SLC12A8: variants seen among roughly 807,000 people sequenced by gnomAD.
SLC12A8 encodes solute carrier family 12 member 8.
Under a neutral mutation model 75.6 loss-of-function variants are expected in SLC12A8, and 69 were observed. That is an observed-to-expected ratio of 0.91 (90% confidence interval 0.75 to 1.11). SLC12A8 has a LOEUF of 1.11. Ranked by LOEUF, SLC12A8 falls within the 50% of genes most tolerant of loss-of-function variation. The pLI is 0.00. For synonymous variants in SLC12A8, 365 were observed against 372.8 expected (o/e 0.98, Z 0.24); for missense variants, 877 against 896.7 (o/e 0.98, Z 0.28).
At chr3:125,137,810 G>A (rs1043965830) in intron 5 of SLC12A8, among the ~76,000 whole-genome samples, 1 of 152,212 alleles carries the variant, frequency 6.6e-6, no homozygotes, top group Non-Finnish European at 1.5e-5. Context: ...CTGAGATAAT[G>A]AGTCACTTGG....
At position 125,212,361 on chromosome 3, in the gene SLC12A8, A is replaced by G. The variant is rs376503615; in HGVS notation, c.-46+339T>C. On this transcript the variant is annotated intron_variant, in intron 1 of 13. Transcript: ENST00000469902. ...CGCGCCGCACAGAGCAAGGGACCCC[A>G]GGCCTCCGCTCGCCCTTCCCGCCGC... 7.1e-4 allele frequency among the ~76,000 whole-genome samples: 108 copies of G among 152,228 alleles called. 1 individual carries two copies. Among genetic ancestry groups the G allele is most frequent in the African/African-American group, 2.6e-3 (106 of 41,548 alleles).
Position 125,190,450 on chromosome 3 carries a change from G to A in SLC12A8, c.123C>T (p.Thr41=), listed in dbSNP as rs1199917530. 1.2e-6 allele frequency: 2 copies of A among 1,614,084 alleles called. No homozygotes were observed. The highest frequency in any genetic ancestry group is 1.7e-6 in the Non-Finnish European group (2 of 1,180,048). Residue 41 remains threonine (T), a synonymous_variant, in exon 3 of 14, where the codon ACC becomes ACT. Transcript: ENST00000469902. ...LFMWEPVLFG[T]WDGVFTSCMI... The stretch of plus-strand genomic sequence containing the variant: ...TGCAGGATGTGAACACACCATCCCA[G>A]GTCCCAAACAGCACAGGCTCCCACA...
In SLC12A8 at chr3:125,092,133, G is replaced by A. The variant is rs1187396737; in HGVS notation, c.1771C>T (p.His591Tyr). 1 of 1,612,864 alleles carries A rather than the reference G, an allele frequency of 6.2e-7. No individual in the cohort carries two copies. The highest frequency in any genetic ancestry group is 1.3e-5 in the African/African-American group (1 of 74,990). The change falls in exon 11 of 14, where the codon CAC becomes TAC. Residue 591 changes from histidine (H) to tyrosine (Y), a missense_variant. By Grantham distance (83) the His-to-Tyr change is moderately conservative. Coordinates refer to ENST00000469902, the MANE Select transcript of SLC12A8 (RefSeq NM_024628.6). Reference sequence around the variant, plus strand: ...AGGGAGACCCAGGGGTTGCACATGTGGGTATAGAAAGAAGTGGATCTTCTC... The same window carrying A: ...AGGGAGACCCAGGGGTTGCACATGTAGGTATAGAAAGAAGTGGATCTTCTC... Reference protein sequence around the residue: ...VWRRSTSFYTHMCNPWVSLLG... With the variant: ...VWRRSTSFYTYMCNPWVSLLG...
chr3:125,084,189 T>C, intron 13 of SLC12A8, 137 bp from the exon 14 acceptor site: 1 of 686,740 alleles, frequency 1.5e-6, no homozygotes, highest in Non-Finnish European at 2.4e-6. Context: ...TCTTGAAAGG[T>C]ATATGTACAG....
At chr3:125,154,306 C>T (rs1933999246) in intron 5 of SLC12A8, among the ~76,000 whole-genome samples, 1 of 152,204 alleles carries the variant, frequency 6.6e-6, no homozygotes. Context: ...CAGGCGGCCC[C>T]AGCAGCTGGA....
chr3:125,134,217 T>C (rs1933433452), intron 6 of SLC12A8, among the ~76,000 whole-genome samples: 1 of 152,200 alleles, frequency 6.6e-6, no homozygotes, highest in Non-Finnish European at 1.5e-5. Flanking sequence ...TTCTCCTGCC[T>C]CAGCCTCCTA....
chr3:125,146,787 A>G (rs1369873883), intron 5 of SLC12A8, among the ~76,000 whole-genome samples: 3 of 152,194 alleles, frequency 2.0e-5, no homozygotes, highest in Non-Finnish European at 4.4e-5. Flanking sequence ...CTACAGGCTG[A>G]CGCCACCATG....
intron 5 of SLC12A8, among the ~76,000 whole-genome samples, chr3:125,141,924 G>C (rs1415462345): frequency 6.6e-6 from 1 of 152,102 alleles, no homozygotes. Context: ...AGGGAAAGGA[G>C]AGGCCGCTTC....
At chr3:125,137,251 C>A (rs956758304) in intron 5 of SLC12A8, among the ~76,000 whole-genome samples, 1 of 152,110 alleles carries the variant, frequency 6.6e-6, no homozygotes, top group South Asian at 2.1e-4. Flanking sequence ...AATAATGAAA[C>A]GAAATCTCAG....
chr3:125,162,278 C>A (rs988991810), intron 5 of SLC12A8, among the ~76,000 whole-genome samples: 1 of 152,224 alleles, frequency 6.6e-6, no homozygotes, highest in Non-Finnish European at 1.5e-5. Flanking sequence ...CAGCAAGCCC[C>A]GTGCTGGTGT....
At chr3:125,119,389 G>A (rs1339938111) in intron 7 of SLC12A8, among the ~76,000 whole-genome samples, 1 of 152,230 alleles carries the variant, frequency 6.6e-6, no homozygotes. Context: ...CTGCTGGTCT[G>A]TTATCTTTGG....
intron 8 of SLC12A8, among the ~76,000 whole-genome samples, chr3:125,116,500 G>C (rs571496208): frequency 6.6e-6 from 1 of 152,152 alleles, no homozygotes; most frequent in Non-Finnish European, 1.5e-5. Flanking sequence ...AGGCTCCCCC[G>C]GTTTGTGTGC....
At chr3:125,166,237 C>A (rs1934284080) in intron 5 of SLC12A8, among the ~76,000 whole-genome samples, 1 of 152,076 alleles carries the variant, frequency 6.6e-6, no homozygotes. Flanking sequence ...ATGTTCCTCC[C>A]GAGTCCCAGA....
chr3:125,134,936 G>C (rs1333423938), intron 6 of SLC12A8, among the ~76,000 whole-genome samples: 3 of 152,198 alleles, frequency 2.0e-5, no homozygotes, highest in Non-Finnish European at 4.4e-5. Flanking sequence ...TTCATTAAGA[G>C]TCTGTTCCCT....
chr3:125,094,370 C>A (rs928791266), intron 10 of SLC12A8, among the ~76,000 whole-genome samples: 2 of 152,174 alleles, frequency 1.3e-5, no homozygotes, highest in Non-Finnish European at 2.9e-5. Flanking sequence ...GCAACTCATC[C>A]TCCTACTCTC....
At chr3:125,116,520 G>C (rs1337413167) in intron 8 of SLC12A8, among the ~76,000 whole-genome samples, 4 of 152,192 alleles carry the variant, frequency 2.6e-5, no homozygotes, top group Non-Finnish European at 5.9e-5. Context: ...CCTATCATTA[G>C]GTGTGGGATT....
At chr3:125,138,060 A>C (rs1268146012) in intron 5 of SLC12A8, among the ~76,000 whole-genome samples, 1 of 152,212 alleles carries the variant, frequency 6.6e-6, no homozygotes. Flanking sequence ...TTTGCAAAGA[A>C]CGCTATGGAC....
At chr3:125,093,023 T>C (rs1938624285) in intron 10 of SLC12A8, among the ~76,000 whole-genome samples, 1 of 152,148 alleles carries the variant, frequency 6.6e-6, no homozygotes, top group South Asian at 2.1e-4. Context: ...AGTCTATTAC[T>C]CCACAATCTA....
intron 5 of SLC12A8, among the ~76,000 whole-genome samples, chr3:125,136,134 G>A (rs953504963): frequency 3.3e-5 from 5 of 152,114 alleles, no homozygotes; most frequent in South Asian, 4.2e-4. Flanking sequence ...AAAATTAATC[G>A]ATATTTGCAA....
Sources: gnomAD v4.1 joint callset for allele counts (sites outside exome capture counted in the v4.1 genomes callset) on GRCh38, gnomAD v4.1.1 for gene constraint, MANE v1.5 for transcripts, NCBI Gene and HGNC (gene_info 2026-07-23, HGNC 2026-07-21) for gene names.